FMN1: variants seen among roughly 807,000 people sequenced by gnomAD.
FMN1 encodes formin-1.
In FMN1, 110 loss-of-function variants were observed where a neutral mutation model predicts 132.4. That is an observed-to-expected ratio of 0.83 (90% CI 0.71 to 0.97). The LOEUF (loss-of-function observed/expected upper bound fraction) is 0.97, where lower values mean the gene tolerates loss of function less well. Among genes scored for constraint, FMN1 ranks in the 50% least tolerant of loss-of-function variants. FMN1 has a pLI of 0.00. For missense variants in FMN1, 1,792 were observed against 1,705.3 expected, an observed-to-expected ratio of 1.05 and a Z score of -0.90; for synonymous variants, 722 against 651.7, an observed-to-expected ratio of 1.11 and a Z score of -1.64.
At chr15:33,083,538 A>G (rs1184483261) in intron 5 of FMN1, among the ~76,000 whole-genome samples, 1 of 152,176 alleles carries the variant, frequency 6.6e-6, no homozygotes, top group East Asian at 1.9e-4. Context: ...CCCTACCCAA[A>G]GAAGTTCTGT....
At position 32,772,509 on chromosome 15, in the gene FMN1, G is replaced by A. The variant is rs183884319; in HGVS notation, c.*1801C>T. 7 of 152,248 alleles carry A rather than the reference G, an allele frequency of 4.6e-5. No homozygotes were observed. Among genetic ancestry groups the A allele is most frequent in the Admixed American group, 3.3e-4 (5 of 15,284 alleles). The allele number at this position is 152,248 out of a possible 1,614,324, so 9.4% of individuals were successfully genotyped here. A position where few individuals can be genotyped will look rare whatever the true frequency, so the allele number is the denominator to read the frequency against. On this transcript the variant is annotated 3_prime_UTR_variant, in exon 21 of 21. Coordinates refer to ENST00000616417, the MANE Select transcript of FMN1 (RefSeq NM_001277313.2). ...CTTCAGAGTTAAGTGAAAATGAAGA[G>A]AAACTATGTAAGAAAGCAGCATAAA...
rs753624152 is a variant in FMN1 at position 32,977,638 on chromosome 15, A to G, written c.2224-8161T>C. 2.0e-4 allele frequency among the ~76,000 whole-genome samples: 30 copies of G among 152,190 alleles called. 1 individual carries two copies. The highest frequency in any genetic ancestry group is 6.2e-4 in the South Asian group (3 of 4,828). On this transcript the variant is annotated intron_variant, in intron 7 of 20. Coordinates refer to ENST00000616417, the MANE Select transcript of FMN1 (RefSeq NM_001277313.2). ...TTAAGATTTCCTGTAGTTCTAAAAC[A>G]TTAGTAATTTCCACACCCAAGACTC...
chr15:32,790,054 G>A (rs1042686473), intron 19 of FMN1, among the ~76,000 whole-genome samples: 1 of 151,966 alleles, frequency 6.6e-6, no homozygotes, highest in African/African-American at 2.4e-5. Context: ...ACGATTCTAC[G>A]TGTTTAAATT....
chr15:33,110,251 AATAC>A (rs1356762580), intron 4 of FMN1, among the ~76,000 whole-genome samples: 1 of 152,096 alleles, frequency 6.6e-6, no homozygotes, highest in African/African-American at 2.4e-5. Context: ...TTAGGTAAAT[AATAC>A]ATAGATGGTC....
At chr15:32,979,539 G>C (rs1356163558) in intron 7 of FMN1, among the ~76,000 whole-genome samples, 2 of 117,664 alleles carry the variant, frequency 1.7e-5, no homozygotes, top group African/African-American at 6.8e-5. Flanking sequence ...CTGCGCAACA[G>C]AGCAAGACTC....
chr15:32,931,434 G>C (rs2061114954), intron 9 of FMN1, among the ~76,000 whole-genome samples: 1 of 152,028 alleles, frequency 6.6e-6, no homozygotes, highest in Non-Finnish European at 1.5e-5. Flanking sequence ...TTATTCCTAA[G>C]TATTTCATTT....
At chr15:33,023,276 C>T (rs1485660929) in intron 6 of FMN1, among the ~76,000 whole-genome samples, 2 of 150,848 alleles carry the variant, frequency 1.3e-5, no homozygotes, top group South Asian at 2.1e-4. Flanking sequence ...AAAAAAAAAT[C>T]ATCCTATAGA....
intron 7 of FMN1, among the ~76,000 whole-genome samples, chr15:32,976,059 G>A (rs1241103769): frequency 6.6e-6 from 1 of 152,066 alleles, no homozygotes; most frequent in Non-Finnish European, 1.5e-5. Context: ...AAGCACTGTG[G>A]AAAAATCATC....
At chr15:33,073,729 CTTGTT>C (rs1364843190) in intron 5 of FMN1, among the ~76,000 whole-genome samples, 77 of 147,518 alleles carry the variant, frequency 5.2e-4, no homozygotes, top group Middle Eastern at 3.6e-3. Context: ...ATTTACCTAG[CTTGTT>C]TTTTTTTTTT....
chr15:33,119,809 G>C (rs1365945893), intron 4 of FMN1, among the ~76,000 whole-genome samples: 1 of 152,234 alleles, frequency 6.6e-6, no homozygotes, highest in South Asian at 2.1e-4. Flanking sequence ...TTGAAAGCCA[G>C]TCTTCTTCTT....
chr15:32,904,351 G>A (rs2060370295), intron 12 of FMN1, among the ~76,000 whole-genome samples: 1 of 152,198 alleles, frequency 6.6e-6, no homozygotes, highest in African/African-American at 2.4e-5. Flanking sequence ...TGCTAAAATT[G>A]TGTTCTGTAT....
chr15:33,067,111 A>T (rs1566884979), intron 5 of FMN1: 2 of 1,613,926 alleles, frequency 1.2e-6, no homozygotes, highest in Non-Finnish European at 1.7e-6. Context: ...TAGAAGAGGC[A>T]CTCTCAGTGA....
intron 2 of FMN1, among the ~76,000 whole-genome samples, chr15:33,186,446 G>A (rs960554867): frequency 3.3e-5 from 5 of 151,768 alleles, no homozygotes; most frequent in Non-Finnish European, 5.9e-5. Context: ...TAGTTTATCA[G>A]TGACCCTGCT....
chr15:33,122,797 A>G (rs1213870984), intron 4 of FMN1, among the ~76,000 whole-genome samples: 15 of 152,236 alleles, frequency 9.9e-5, no homozygotes. Flanking sequence ...ATTCTGTTAC[A>G]TAATCTGAAA....
intron 4 of FMN1, among the ~76,000 whole-genome samples, chr15:33,110,745 A>G (rs1263075027): frequency 6.6e-6 from 1 of 152,030 alleles, no homozygotes; most frequent in African/African-American, 2.4e-5. Context: ...TGCAATATTA[A>G]ATCCCAATTA....
intron 7 of FMN1, among the ~76,000 whole-genome samples, chr15:32,993,596 A>G (rs1196296515): frequency 8.5e-5 from 13 of 152,228 alleles, no homozygotes; most frequent in Admixed American, 8.5e-4. Context: ...GTGTGTTGTC[A>G]GCACCTTCTT....
intron 9 of FMN1, among the ~76,000 whole-genome samples, chr15:32,956,058 A>G (rs1596339945): frequency 6.6e-6 from 1 of 152,202 alleles, no homozygotes; most frequent in East Asian, 1.9e-4. Flanking sequence ...CTCATGGTCC[A>G]CAATAGAGAT....
chr15:33,058,090 G>T (rs879778964), intron 6 of FMN1, among the ~76,000 whole-genome samples: 2 of 110,464 alleles, frequency 1.8e-5, no homozygotes, highest in African/African-American at 5.3e-5. Context: ...TGTGATGGGG[G>T]TGCTGGTGGA....
intron 7 of FMN1, among the ~76,000 whole-genome samples, chr15:32,973,259 T>C (rs1434037849): frequency 1.3e-5 from 2 of 152,210 alleles, no homozygotes; most frequent in Admixed American, 6.5e-5. Context: ...TTCTCCACTA[T>C]TGGCTTTTGT....
Sources: gnomAD v4.1 joint callset for allele counts (sites outside exome capture counted in the v4.1 genomes callset) on GRCh38, gnomAD v4.1.1 for gene constraint, MANE v1.5 for transcripts, NCBI Gene and HGNC (gene_info 2026-07-23, HGNC 2026-07-21) for gene names.